The following KIRREL3 variants were observed in gnomAD, a reference collection of about 807,000 sequenced individuals.
KIRREL3 encodes kin of IRRE-like protein 3.
In KIRREL3, 36 loss-of-function variants were observed where a neutral mutation model predicts 89.7. That is an observed-to-expected ratio of 0.40 (90% CI 0.31 to 0.53). The LOEUF (loss-of-function observed/expected upper bound fraction) is 0.53. KIRREL3 is among the 20% of genes least tolerant of loss of function. KIRREL3 has a pLI of 0.49. For synonymous variants in KIRREL3, 445 were observed against 441.4 expected (o/e 1.01, Z -0.10); for missense variants, 864 against 1,056.6 (o/e 0.82, Z 2.53).
chr11:126,427,402 GT>G lies in KIRREL3; in HGVS notation c.1807-1679del, dbSNP rs1954985295. 6.6e-6 allele frequency among the ~76,000 whole-genome samples: 1 copy of G among 152,116 alleles called. No individual in the cohort carries two copies. The highest frequency in any genetic ancestry group is 1.5e-5 in the Non-Finnish European group (1 of 68,028). ...ACTATAAAGGAGGCACATACAAAGT[GT>G]TTTGGGAGAGCAGAAGGTGCACAGC... On this transcript the variant is annotated intron_variant, in intron 15 of 16. Transcript: ENST00000525144. The surrounding 1 kb of genome is among the most constrained non-coding windows in gnomAD (Gnocchi z 5.3).
At chr11:126,840,935 G>A (rs112606601) in intron 1 of KIRREL3, among the ~76,000 whole-genome samples, 1 of 152,222 alleles carries the variant, frequency 6.6e-6, no homozygotes, top group African/African-American at 2.4e-5. Context: ...GTTCTCAAAT[G>A]AGGAAGGAAA....
rs925184506 is a variant in KIRREL3, at chr11:126,897,195, G to A, written c.55+103260C>T. Among the ~76,000 whole-genome samples the A allele has an allele frequency of 6.6e-6, 1 of 152,130 alleles. No homozygotes were observed. The highest frequency in any genetic ancestry group is 2.4e-5 in the African/African-American group (1 of 41,438). ...ACAGGTGGTCCCATGGGGAAGGGCAGCAATTTGGCCCCAGGACACCAGGTT... is the reference window on the plus strand; with the variant it reads ...ACAGGTGGTCCCATGGGGAAGGGCAACAATTTGGCCCCAGGACACCAGGTT... On this transcript the variant is annotated intron_variant, in intron 1 of 16. Transcript: ENST00000525144. This position sits in a 1 kb window ranked among gnomAD's most constrained non-coding sequence, Gnocchi z 4.2.
In KIRREL3 at chr11:126,905,597, G is replaced by A. The variant is rs1047862712; in HGVS notation, c.55+94858C>T. ...AACCTGTCCCGCTTGTGACCCACAA[G>A]AGCATTGCAAGCCTCATCCTGCACA... On this transcript the variant is annotated intron_variant, in intron 1 of 16. Coordinates refer to ENST00000525144, the MANE Select transcript of KIRREL3 (RefSeq NM_032531.4). The surrounding 1 kb of genome is among the most constrained non-coding windows in gnomAD (Gnocchi z 5.0). Among the ~76,000 whole-genome samples, 5 of 152,126 alleles carry A rather than the reference G, an allele frequency of 3.3e-5. No individual in the cohort carries two copies. The East Asian group carries it at 9.7e-4, about 29-fold the overall frequency.
At chr11:126,437,326 C>T (rs768241026) in intron 11 of KIRREL3, among the ~76,000 whole-genome samples, 11 of 152,130 alleles carry the variant, frequency 7.2e-5, no homozygotes, top group Non-Finnish European at 1.0e-4. Context: ...ATGGCCAACA[C>T]GTTTATATAC....
chr11:126,439,766 C>A (rs542107029), intron 11 of KIRREL3, among the ~76,000 whole-genome samples: 1 of 151,662 alleles, frequency 6.6e-6, no homozygotes, highest in East Asian at 2.0e-4. Context: ...TGCAGTGAGC[C>A]GAGATTGTGT....
intron 4 of KIRREL3, among the ~76,000 whole-genome samples, chr11:126,494,924 G>A (rs894802905): frequency 1.4e-4 from 21 of 152,246 alleles, no homozygotes; most frequent in African/African-American, 5.1e-4. Context: ...CAAGGGCCCC[G>A]GGCCTGAGGG....
chr11:126,774,308 G>C (rs1874), intron 1 of KIRREL3, among the ~76,000 whole-genome samples: 1 of 151,826 alleles, frequency 6.6e-6, no homozygotes, highest in Non-Finnish European at 1.5e-5. Flanking sequence ...AAGGGGGAAA[G>C]AACTCCGAGT....
In KIRREL3 at chr11:126,668,705, CTTTCTTTCTTTCTTT is replaced by C. The variant is rs1945784998; in HGVS notation, c.56-105808_56-105794del. On this transcript the variant is annotated intron_variant, in intron 1 of 16. Transcript: ENST00000525144. This position sits in a 1 kb window ranked among gnomAD's most constrained non-coding sequence, Gnocchi z 4.4. ...GGGAAGTTTCTGTTTTTCTTTCTTTCTTTCTTTCTTTCTTTCTTTCTTTCTTTCTTTCTTTCTTTC... is the reference window on the plus strand; with the variant it reads ...GGGAAGTTTCTGTTTTTCTTTCTTTCCTTTCTTTCTTTCTTTCTTTCTTTC... Among the ~76,000 whole-genome samples the C allele has an allele frequency of 1.3e-5, 1 of 74,350 alleles. No homozygotes were observed. The highest frequency in any genetic ancestry group is 3.2e-5 in the Non-Finnish European group (1 of 31,214). 48.8% of individuals were successfully genotyped at this position (74,350 alleles called of 152,430 possible). A position where few individuals can be genotyped will look rare whatever the true frequency, so the allele number is the denominator to read the frequency against.
intron 10 of KIRREL3, among the ~76,000 whole-genome samples, chr11:126,442,316 ACACACAC>A: frequency 6.4e-4 from 1 of 1,570 alleles, no homozygotes; most frequent in Non-Finnish European, 3.2e-3. Context: ...CACACAAAAC[ACACACAC>A]ACACACACAC....
At chr11:126,504,561 C>G (rs1042993959) in intron 4 of KIRREL3, among the ~76,000 whole-genome samples, 4 of 152,098 alleles carry the variant, frequency 2.6e-5, no homozygotes, top group African/African-American at 4.8e-5. Flanking sequence ...AGCCCTAGAC[C>G]CAGATGGCAT....
rs1943298075 is a variant in KIRREL3 at position 126,615,296 on chromosome 11, T to C, written c.56-52384A>G. 6.6e-6 allele frequency among the ~76,000 whole-genome samples: 1 copy of C among 152,198 alleles called. No homozygotes were observed. Among genetic ancestry groups the C allele is most frequent in the African/African-American group, 2.4e-5 (1 of 41,462 alleles). Reference sequence around the variant, plus strand: ...TTCCTGGCACAGTCCTCAATAAATGTTTATTGTCATTCCTGTGATTATTAA... The same window carrying C: ...TTCCTGGCACAGTCCTCAATAAATGCTTATTGTCATTCCTGTGATTATTAA... On this transcript the variant is annotated intron_variant, in intron 1 of 16. Coordinates refer to ENST00000525144, the MANE Select transcript of KIRREL3 (RefSeq NM_032531.4). This position sits in a 1 kb window ranked among gnomAD's most constrained non-coding sequence, Gnocchi z 5.4.
chr11:126,856,115 TG>T (rs1331457265), intron 1 of KIRREL3, among the ~76,000 whole-genome samples: 2 of 152,304 alleles, frequency 1.3e-5, no homozygotes, highest in African/African-American at 4.8e-5. Flanking sequence ...GAACACTTTG[TG>T]GGGTATGTGT....
At chr11:126,735,947 A>T (rs969052769) in intron 1 of KIRREL3, among the ~76,000 whole-genome samples, 5 of 152,218 alleles carry the variant, frequency 3.3e-5, no homozygotes, top group African/African-American at 1.2e-4. Flanking sequence ...CCTTCCAGGC[A>T]TTGGCAATTC....
Position 126,917,919 on chromosome 11 carries a change from TTGG to T in KIRREL3, c.55+82533_55+82535del, listed in dbSNP as rs1296625243. Among the ~76,000 whole-genome samples, 1 of 152,228 alleles carries T rather than the reference TTGG, an allele frequency of 6.6e-6. No homozygotes were observed. Among genetic ancestry groups the T allele is most frequent in the African/African-American group, 2.4e-5 (1 of 41,452 alleles). On this transcript the variant is annotated intron_variant, in intron 1 of 16. Transcript: ENST00000525144. This position sits in a 1 kb window ranked among gnomAD's most constrained non-coding sequence, Gnocchi z 5.0. ...TGGTAATTGTTGAACTCGATTTCAC[TTGG>T]TGTGTGATGACACATCTTACAGTGA...
chr11:126,445,105 C>T lies in KIRREL3; in HGVS notation c.1126G>A (p.Val376Ile), dbSNP rs762229133. The T allele has an allele frequency of 6.8e-6, 11 of 1,613,770 alleles. No individual in the cohort carries two copies. The highest frequency in any genetic ancestry group is 3.3e-5 in the Admixed American group (2 of 60,000). The change falls in exon 10 of 17, where the codon GTC becomes ATC. Residue 376 changes from valine to isoleucine, a missense_variant and splice_region_variant. By Grantham distance (29) the Val-to-Ile change is conservative. Transcript: ENST00000525144. ...IVWMKRGSGV[V>I]LSNEKTLTLK... ...GTCAGGGTCTTCTCATTGCTCAGGA[C>T]CTAGGAGAATTGGCAGGCTCAGATG...
chr11:126,872,016 G>T lies in KIRREL3; in HGVS notation c.55+128439C>A, dbSNP rs1435800424. Among the ~76,000 whole-genome samples, 1 of 152,174 alleles carries T rather than the reference G, an allele frequency of 6.6e-6. No individual in the cohort carries two copies. The highest frequency in any genetic ancestry group is 1.5e-5 in the Non-Finnish European group (1 of 68,042). ...TACTTAATGCAGACAGTGGCTATGAGGTAGGAAATCAGCAGAGCTTGTTTT... is the reference window on the plus strand; with the variant it reads ...TACTTAATGCAGACAGTGGCTATGATGTAGGAAATCAGCAGAGCTTGTTTT... On this transcript the variant is annotated intron_variant, in intron 1 of 16. Transcript: ENST00000525144. The surrounding 1 kb of genome is among the most constrained non-coding windows in gnomAD (Gnocchi z 4.2).
intron 5 of KIRREL3, among the ~76,000 whole-genome samples, chr11:126,473,062 G>GC (rs61556320): frequency 3.0e-3 from 5 of 1,646 alleles, no homozygotes; most frequent in Non-Finnish European, 5.6e-3. Flanking sequence ...CCTCTCCCCA[G>GC]CCCCCACCAT....
intron 1 of KIRREL3, among the ~76,000 whole-genome samples, chr11:126,667,716 T>C (rs1252316431): frequency 1.3e-5 from 2 of 152,186 alleles, no homozygotes; most frequent in African/African-American, 4.8e-5. Flanking sequence ...TCAATTGGGA[T>C]ATTTACAGCT....
chr11:126,927,131 T>A (rs1947752731), intron 1 of KIRREL3, among the ~76,000 whole-genome samples: 1 of 152,242 alleles, frequency 6.6e-6, no homozygotes, highest in Admixed American at 6.5e-5. Context: ...GCCTTTCTTT[T>A]CATTGTCCAG....
Sources: gnomAD v4.1 joint callset for allele counts (sites outside exome capture counted in the v4.1 genomes callset) on GRCh38, gnomAD v4.1.1 for gene constraint, Gnocchi (gnomAD v3.1) non-coding constraint, MANE v1.5 for transcripts, NCBI Gene and HGNC (gene_info 2026-07-23, HGNC 2026-07-21) for gene names.